Variants in FGF13 observed in about 807,000 individuals in gnomAD.
FGF13 encodes fibroblast growth factor 13.
In FGF13, 2 loss-of-function variants were observed where a neutral mutation model predicts 19.5. That is an observed-to-expected ratio of 0.10 (90% confidence interval 0.04 to 0.32). The LOEUF (loss-of-function observed/expected upper bound fraction) is 0.32, where lower values mean the gene tolerates loss of function less well. Among genes scored for constraint, FGF13 ranks in the 10% least tolerant of loss-of-function variants. FGF13 has a pLI of 1.00. For synonymous variants in FGF13, 72 were observed against 76.9 expected, an observed-to-expected ratio of 0.94 and a Z score of 0.33; for missense variants, 113 against 192.7, an observed-to-expected ratio of 0.59 and a Z score of 2.45.
intron 1 of FGF13, among the ~76,000 whole-genome samples, chrX:139,104,700 T>C (rs1569453500): frequency 9.0e-6 from 1 of 110,600 alleles, no homozygotes; most frequent in Non-Finnish European, 1.9e-5. Context: ...AGGGCCCTCT[T>C]TTAGGTTGAA....
chrX:138,740,977 T>C (rs1315449669), upstream of FGF13, among the ~76,000 whole-genome samples: 1 of 112,430 alleles, frequency 8.9e-6, no homozygotes, highest in Non-Finnish European at 1.9e-5. Context: ...GTATTCCCCA[T>C]TGTTCTCTGG....
chrX:139,051,611 T>C (rs1240830127), intron 1 of FGF13, among the ~76,000 whole-genome samples: 2 of 112,314 alleles, frequency 1.8e-5, no homozygotes, highest in African/African-American at 6.5e-5. Flanking sequence ...AGTTTTCAAA[T>C]GAGGAAAGTA....
At chrX:138,946,800 G>C (rs750436748) in intron 1 of FGF13, among the ~76,000 whole-genome samples, 2 of 112,073 alleles carry the variant, frequency 1.8e-5, no homozygotes, top group Admixed American at 9.5e-5. Context: ...CCATTCACTA[G>C]GTAGAAAGAG....
intron 1 of FGF13, among the ~76,000 whole-genome samples, chrX:139,018,591 A>G (rs973008193): frequency 9.0e-6 from 1 of 111,261 alleles, no homozygotes; most frequent in African/African-American, 3.3e-5. Context: ...AAGGGAGGCA[A>G]GCCTGTTAAA....
intron 1 of FGF13, among the ~76,000 whole-genome samples, chrX:139,027,183 T>C (rs1245200058): frequency 8.9e-6 from 1 of 112,051 alleles, no homozygotes; most frequent in Non-Finnish European, 1.9e-5. Flanking sequence ...ATTGAGAAAA[T>C]ATTTGTTCTT....
chrX:138,853,769 G>A (rs980194746), downstream of FGF13, among the ~76,000 whole-genome samples: 1 of 110,810 alleles, frequency 9.0e-6, no homozygotes, highest in African/African-American at 3.3e-5. Context: ...ATTTACTATC[G>A]TAATCAGAAT....
At chrX:138,669,664 G>T (rs2124169018) in intron 3 of FGF13, among the ~76,000 whole-genome samples, 1 of 111,060 alleles carries the variant, frequency 9.0e-6, no homozygotes, top group African/African-American at 3.3e-5. Flanking sequence ...GGATCCTTCT[G>T]CCTCTCCCCT....
At position 138,630,966 on chromosome X, in the gene FGF13, A is replaced by T. The variant is rs897179082; in HGVS notation, c.*1884T>A. ...ATTTTGTAATTAAAAAGTGTTGAAT[A>T]GCTCATGTCATTTATTGAATAGTGT... On this transcript the variant is annotated 3_prime_UTR_variant, in exon 5 of 5. Transcript: ENST00000315930. 4 of 112,159 alleles carry T rather than the reference A, an allele frequency of 3.6e-5. No individual in the cohort carries two copies. Among genetic ancestry groups the T allele is most frequent in the Non-Finnish European group, 5.6e-5 (3 of 53,259 alleles). 9.2% of individuals were successfully genotyped at this position (112,159 alleles called of 1,213,427 possible). A position where few individuals can be genotyped will look rare whatever the true frequency, so the allele number is the denominator to read the frequency against.
intron 1 of FGF13, among the ~76,000 whole-genome samples, chrX:138,945,748 G>C (rs1457839396): frequency 9.0e-6 from 1 of 111,533 alleles, no homozygotes; most frequent in Admixed American, 9.5e-5. Flanking sequence ...AGCAAAGAAG[G>C]CATCCTCTGT....
At chrX:139,173,596 G>C (rs1183469134) in intron 1 of FGF13, among the ~76,000 whole-genome samples, 2 of 109,774 alleles carry the variant, frequency 1.8e-5, no homozygotes, top group Admixed American at 9.8e-5. Context: ...TGTTACCCTT[G>C]CTGTGTCCAT....
At chrX:138,871,931 C>T (rs939488389) in intron 1 of FGF13, among the ~76,000 whole-genome samples, 2 of 111,598 alleles carry the variant, frequency 1.8e-5, no homozygotes, top group African/African-American at 6.5e-5. Flanking sequence ...TAGTGTCAGG[C>T]AGAAGAATGA....
chrX:139,074,571 C>G (rs1422582730), intron 1 of FGF13, among the ~76,000 whole-genome samples: 1 of 112,120 alleles, frequency 8.9e-6, no homozygotes, highest in African/African-American at 3.2e-5. Flanking sequence ...AAATAGTCAC[C>G]ATGCCTTCAG....
chrX:138,982,297 AG>A (rs1354688239), intron 1 of FGF13, among the ~76,000 whole-genome samples: 1 of 111,577 alleles, frequency 9.0e-6, no homozygotes, highest in Non-Finnish European at 1.9e-5. Flanking sequence ...TACAAGGGAC[AG>A]GGAGCCATTA....
At chrX:138,677,574 A>C (rs1296194464) in intron 3 of FGF13, among the ~76,000 whole-genome samples, 2 of 111,349 alleles carry the variant, frequency 1.8e-5, no homozygotes, top group South Asian at 7.5e-4. Flanking sequence ...AAACACATGA[A>C]AAAATGCTCA....
intron 1 of FGF13, among the ~76,000 whole-genome samples, chrX:138,938,626 C>T (rs1041797291): frequency 2.3e-4 from 26 of 111,272 alleles, no homozygotes; most frequent in African/African-American, 7.8e-4. Flanking sequence ...ATAGTCTCAC[C>T]CATGCCCCCA....
chrX:138,847,315 G>A (rs756000860), intron 3 of FGF13, among the ~76,000 whole-genome samples: 1 of 111,912 alleles, frequency 8.9e-6, no homozygotes, highest in Non-Finnish European at 1.9e-5. Flanking sequence ...ATGCTTCTAA[G>A]GGGCTATGCA....
chrX:139,033,335 C>A (rs2092237650), intron 1 of FGF13, among the ~76,000 whole-genome samples: 1 of 111,686 alleles, frequency 9.0e-6, no homozygotes, highest in South Asian at 3.7e-4. Flanking sequence ...AGAGGAAAGC[C>A]AGAAAGTTCA....
intron 1 of FGF13, among the ~76,000 whole-genome samples, chrX:138,976,470 C>A (rs1433389813): frequency 1.8e-5 from 2 of 111,157 alleles, no homozygotes; most frequent in Admixed American, 1.9e-4. Flanking sequence ...ACCATATGTT[C>A]TTGCTTATAA....
intron 1 of FGF13, among the ~76,000 whole-genome samples, chrX:138,961,663 G>C (rs769573270): frequency 1.8e-5 from 2 of 111,835 alleles, no homozygotes; most frequent in East Asian, 5.7e-4. Context: ...CAATGGAACA[G>C]AACAGAGCCC....
Sources: allele counts gnomAD v4.1 joint callset (sites outside exome capture counted in the v4.1 genomes callset), GRCh38; gene constraint gnomAD v4.1.1; transcripts MANE v1.5; gene names NCBI Gene and HGNC (gene_info 2026-07-23, HGNC 2026-07-21).